CCDC18: variants seen among roughly 807,000 people sequenced by gnomAD.
CCDC18 encodes coiled-coil domain-containing protein 18.
Under a neutral mutation model 196.0 loss-of-function variants are expected in CCDC18, and 157 were observed. That is an observed-to-expected ratio of 0.80 (90% confidence interval 0.70 to 0.91). CCDC18 has a LOEUF of 0.91. Among genes scored for constraint, CCDC18 ranks in the 40% least tolerant of loss-of-function variants. The probability of loss-of-function intolerance (pLI) is 0.00; values close to 1 mark genes in which losing one functional copy is unlikely to be tolerated. For synonymous variants in CCDC18, 482 were observed against 529.2 expected (o/e 0.91, Z 1.22); for missense variants, 1,465 against 1,611.6 (o/e 0.91, Z 1.56).
chr1:93,203,057 G>C (rs1469887728), intron 7 of CCDC18, among the ~76,000 whole-genome samples: 1 of 152,160 alleles, frequency 6.6e-6, no homozygotes, highest in African/African-American at 2.4e-5. Flanking sequence ...CTGATGTCAT[G>C]TGAAGATGCA....
At chr1:93,205,667 T>G in intron 8 of CCDC18, 36 bp downstream of exon 8, 1 of 1,551,860 alleles carries the variant, frequency 6.4e-7, no homozygotes, top group Non-Finnish European at 8.7e-7. Context: ...GATTTTTGTG[T>G]GGACATGGAA....
At chr1:93,254,384 T>C (rs1662666175) in intron 23 of CCDC18, 87 bp from the exon 24 acceptor site, 1 of 1,030,618 alleles carries the variant, frequency 9.7e-7, no homozygotes, top group Admixed American at 2.9e-5. Context: ...GATATGAGTG[T>C]TTAAAGCTTG....
At chr1:93,190,803 T>C in intron 4 of CCDC18, 1 of 698,680 alleles carries the variant, frequency 1.4e-6, no homozygotes, top group South Asian at 1.4e-5. Context: ...GCTTGCATCT[T>C]TTAATACTCA....
upstream of CCDC18, chr1:93,180,292 C>G: frequency 6.5e-7 from 1 of 1,544,002 alleles, no homozygotes; most frequent in Non-Finnish European, 8.7e-7. Context: ...ACTGTTGTCT[C>G]CGCTCCGCGT....
At chr1:93,193,187 A>G (rs1652122872) in intron 5 of CCDC18, among the ~76,000 whole-genome samples, 1 of 152,194 alleles carries the variant, frequency 6.6e-6, no homozygotes, top group Non-Finnish European at 1.5e-5. Context: ...TTCTGAGTCA[A>G]AGAGTAGGAA....
At position 93,264,763 on chromosome 1, in the gene CCDC18, T is replaced by C; in HGVS notation, c.3747T>C (p.Ser1249=). The C allele has an allele frequency of 2.5e-6, 4 of 1,613,492 alleles. No homozygotes were observed. The change falls in exon 27 of 29, where the codon TCT becomes TCC. Residue 1249 remains serine (S), a synonymous_variant. Coordinates refer to ENST00000690025, the MANE Select transcript of CCDC18 (RefSeq NM_001378204.1). The part of the protein sequence containing the change: ...WKISADSQKS[S]VQQLNEQLEK... ...TTTCTGCTGACTCTCAAAAGTCTTC[T>C]GTTCAGCAACTAAACGAACAGTTAG...
intron 21 of CCDC18, among the ~76,000 whole-genome samples, chr1:93,241,553 C>T (rs1247049289): frequency 6.6e-6 from 1 of 151,796 alleles, no homozygotes; most frequent in Non-Finnish European, 1.5e-5. Flanking sequence ...GAAACCCCAT[C>T]TCTACTAAAA....
intron 6 of CCDC18, among the ~76,000 whole-genome samples, chr1:93,197,378 T>C (rs1652897213): frequency 6.6e-6 from 1 of 151,988 alleles, no homozygotes; most frequent in Admixed American, 6.6e-5. Context: ...ATAAGAAATA[T>C]ATAAGAAATA....
intron 13 of CCDC18, 86 bp downstream of exon 13, chr1:93,216,832 A>G (rs1315199922): frequency 3.1e-6 from 2 of 641,622 alleles, no homozygotes; most frequent in Non-Finnish European, 5.5e-6. Flanking sequence ...CATCATTATT[A>G]TAAAATATAT....
intron 19 of CCDC18, among the ~76,000 whole-genome samples, 177 bp downstream of exon 19, chr1:93,236,567 A>G (rs1660099054): frequency 6.6e-6 from 1 of 152,084 alleles, no homozygotes; most frequent in South Asian, 2.1e-4. Flanking sequence ...TTTTTACTGT[A>G]TTACAGTTTA....
chr1:93,257,694 G>A (rs1663201878), intron 25 of CCDC18, among the ~76,000 whole-genome samples: 2 of 152,038 alleles, frequency 1.3e-5, no homozygotes, highest in Non-Finnish European at 2.9e-5. Context: ...GGGGTTCTAG[G>A]AAAAGGAAAG....
At chr1:93,207,066 A>C in intron 8 of CCDC18, 41 bp from the exon 9 acceptor site, 1 of 1,059,452 alleles carries the variant, frequency 9.4e-7, no homozygotes, top group Non-Finnish European at 1.3e-6. Flanking sequence ...AAATGAATGC[A>C]TATATATTTT....
chr1:93,224,514 G>A (rs964215864), intron 16 of CCDC18, among the ~76,000 whole-genome samples: 4 of 152,214 alleles, frequency 2.6e-5, no homozygotes, highest in African/African-American at 4.8e-5. Context: ...TCACCTGGAA[G>A]CTTTGAAGAG....
In CCDC18 at chr1:93,180,863, C is replaced by T. The variant is rs759999737; in HGVS notation, c.-3+11C>T. The T allele has an allele frequency of 3.7e-6, 5 of 1,365,654 alleles. No homozygotes were observed. The highest frequency in any genetic ancestry group is 4.9e-6 in the Non-Finnish European group (5 of 1,021,872). 84.6% of individuals were successfully genotyped at this position (1,365,654 alleles called of 1,614,324 possible). On this transcript the variant is annotated intron_variant, in intron 1 of 28. Transcript: ENST00000690025. ...GCGCGCAGTCGCCGGGTGGGTCTCT[C>T]CCCAGCGACGATTTGGGTGGTGAGC... is the stretch of plus-strand genomic sequence containing the variant.
In CCDC18 at chr1:93,183,441, A is replaced by C. The variant is rs1276771278; in HGVS notation, c.80A>C (p.His27Pro). 1.2e-6 allele frequency: 2 copies of C among 1,608,660 alleles called. No homozygotes were observed. Among genetic ancestry groups the C allele is most frequent in the Admixed American group, 1.7e-5 (1 of 59,492 alleles). Residue 27 changes from histidine (H) to proline (P), a missense_variant, in exon 2 of 29, where the codon CAT becomes CCT. By Grantham distance (77) the His-to-Pro change is moderately conservative. Coordinates refer to ENST00000690025, the MANE Select transcript of CCDC18 (RefSeq NM_001378204.1). ...SLLANVASLR[H>P]ELKITEWSLQ... ...CTTGCAAATGTTGCTTCCTTAAGAC[A>C]TGAACTGAAGATAACAGAATGGAGT...
rs779054530 is a variant in CCDC18 at position 93,207,074 on chromosome 1, T to C, written c.918-33T>C. ...ATGATTAAAATGAATGCATATATAT[T>C]TTATTTTCATTTTTATTCTCTTTTC... On this transcript the variant is annotated intron_variant, in intron 8 of 28. Transcript: ENST00000690025. The C allele has an allele frequency of 2.5e-6, 3 of 1,218,188 alleles. No individual in the cohort carries two copies. In the East Asian group the frequency reaches 7.8e-5, roughly 32 times the overall value. The allele number at this position is 1,218,188 out of a possible 1,614,324, so 75.5% of individuals were successfully genotyped here.
In CCDC18 at chr1:93,239,138, G is replaced by A. The variant is rs149015336; in HGVS notation, c.2604-172G>A. On this transcript the variant is annotated intron_variant, in intron 19 of 28. Coordinates refer to ENST00000690025, the MANE Select transcript of CCDC18 (RefSeq NM_001378204.1). ...AGTTGTATTTAGTGGTATGTAATGT[G>A]TAAAGGAATAGTTTTTAGTTGGAGA... Among the ~76,000 whole-genome samples the A allele has an allele frequency of 5.9e-4, 89 of 151,800 alleles. 3 individuals are homozygous for A. In the East Asian group the frequency reaches 0.017, roughly 29 times the overall value.
At chr1:93,271,399 CTTT>C (rs1665246768) in intron 28 of CCDC18, 1 of 985,270 alleles carries the variant, frequency 1.0e-6, no homozygotes, top group Non-Finnish European at 1.2e-6. Context: ...TATCCCTCTT[CTTT>C]TTTAGAGAGA....
chr1:93,246,858 T>A lies in CCDC18; in HGVS notation c.3102T>A (p.Thr1034=), dbSNP rs890274519. 2.0e-6 allele frequency: 3 copies of A among 1,518,882 alleles called. No homozygotes were observed. In the African/African-American group the frequency reaches 4.2e-5, roughly 21 times the overall value. 94.1% of individuals were successfully genotyped at this position (1,518,882 alleles called of 1,614,324 possible). The change falls in exon 23 of 29, where the codon ACT becomes ACA. Residue 1034 remains threonine, a synonymous_variant. Coordinates refer to ENST00000690025, the MANE Select transcript of CCDC18 (RefSeq NM_001378204.1). ...RAAQVTHLDM[T]IREHRGEMEQ... is the part of the protein sequence containing the mutation. ...TTTAGGTTACACATTTGGATATGAC[T>A]ATTCGTGAGCACAGAGGAGAAATGG...
Sources: allele counts gnomAD v4.1 joint callset (sites outside exome capture counted in the v4.1 genomes callset), GRCh38; gene constraint gnomAD v4.1.1; transcripts MANE v1.5; gene names NCBI Gene and HGNC (gene_info 2026-07-23, HGNC 2026-07-21).